Variants in STK32A observed in about 807,000 individuals in gnomAD.
STK32A encodes serine/threonine-protein kinase 32A.
A neutral mutation model predicts 53.2 loss-of-function variants in STK32A; 41 were observed. The ratio of observed to expected loss-of-function variants is 0.77; its 90% CI spans 0.60 to 1.00. The LOEUF (loss-of-function observed/expected upper bound fraction) is 1.00. Ranked by LOEUF, STK32A falls within the 50% of genes least tolerant of loss-of-function variation. The pLI, the probability that STK32A is intolerant of heterozygous loss-of-function variation, is 0.00. For synonymous variants in STK32A, 166 were observed against 162.8 expected, an observed-to-expected ratio of 1.02 and a Z score of -0.15; for missense variants, 458 against 485.8, an observed-to-expected ratio of 0.94 and a Z score of 0.54.
chr5:147,388,190 C>CT (rs1278014081), downstream of STK32A, among the ~76,000 whole-genome samples: 11 of 152,208 alleles, frequency 7.2e-5, 1 homozygote, highest in African/African-American at 2.2e-4. Context: ...CTTTAGCACT[C>CT]TGCCTTCCTA....
At chr5:147,376,605 TC>T (rs1251766823) in intron 11 of STK32A, among the ~76,000 whole-genome samples, 2 of 152,120 alleles carry the variant, frequency 1.3e-5, no homozygotes, top group Non-Finnish European at 2.9e-5. Context: ...TCCTGCCACA[TC>T]CTTGTACTAT....
intron 2 of STK32A, among the ~76,000 whole-genome samples, chr5:147,276,333 C>T (rs1263208003): frequency 2.0e-5 from 3 of 152,128 alleles, no homozygotes; most frequent in Admixed American, 6.5e-5. Context: ...ACAACAGTTT[C>T]AGAGGCAGTA....
At chr5:147,297,845 T>G (rs1417877038) in intron 4 of STK32A, among the ~76,000 whole-genome samples, 1 of 152,064 alleles carries the variant, frequency 6.6e-6, no homozygotes, top group Non-Finnish European at 1.5e-5. Flanking sequence ...CTGAATGTGG[T>G]GGCACGTGCC....
At chr5:147,260,240 GTCTC>G (rs1171109459) in intron 2 of STK32A, among the ~76,000 whole-genome samples, 1 of 64,374 alleles carries the variant, frequency 1.6e-5, no homozygotes, top group Non-Finnish European at 2.9e-5. Flanking sequence ...CTCTGTCTCT[GTCTC>G]TCTCTCTCTC....
intron 2 of STK32A, among the ~76,000 whole-genome samples, chr5:147,247,579 C>T (rs1244516139): frequency 1.3e-5 from 2 of 152,132 alleles, no homozygotes; most frequent in Non-Finnish European, 2.9e-5. Context: ...TTACTTAAAG[C>T]AGAGTTGGCA....
At chr5:147,395,525 T>G in the STK32A span, 1 of 1,583,956 alleles carries the variant, frequency 6.3e-7, no homozygotes, top group Non-Finnish European at 8.6e-7. Flanking sequence ...CCCTTCCCCC[T>G]TCTCTTATCT....
intron 11 of STK32A, chr5:147,375,856 A>G (rs938424370): frequency 2.0e-5 from 3 of 152,208 alleles, no homozygotes; most frequent in African/African-American, 7.2e-5. Flanking sequence ...GTAGGATTTT[A>G]TACTCACATG....
chr5:147,241,511 C>A (rs1030360835), intron 2 of STK32A, among the ~76,000 whole-genome samples: 2 of 150,372 alleles, frequency 1.3e-5, no homozygotes, highest in African/African-American at 4.9e-5. Flanking sequence ...AACAAAAAAA[C>A]CCAAAATATA....
chr5:147,238,791 A>G (rs940731020), intron 1 of STK32A, among the ~76,000 whole-genome samples: 2 of 141,720 alleles, frequency 1.4e-5, no homozygotes, highest in Non-Finnish European at 3.2e-5. Context: ...CAATATATAA[A>G]GAGTTATATA....
chr5:147,329,598 T>C (rs1282288400), intron 5 of STK32A, among the ~76,000 whole-genome samples: 1 of 152,262 alleles, frequency 6.6e-6, no homozygotes, highest in South Asian at 2.1e-4. Flanking sequence ...AAAGCTGTTA[T>C]GTGCATATCC....
intron 4 of STK32A, among the ~76,000 whole-genome samples, chr5:147,293,364 T>G (rs958355018): frequency 6.6e-6 from 1 of 151,600 alleles, no homozygotes; most frequent in African/African-American, 2.4e-5. Flanking sequence ...CAAAGAAAGT[T>G]AAACATCATT....
intron 7 of STK32A, among the ~76,000 whole-genome samples, chr5:147,354,463 G>C (rs866495797): frequency 1.8e-4 from 27 of 152,198 alleles, no homozygotes; most frequent in South Asian, 4.1e-4. Context: ...TTCAAAGTTG[G>C]CATTTCTAGT....
chr5:147,249,221 T>A (rs1358168759), intron 2 of STK32A, among the ~76,000 whole-genome samples: 1 of 152,174 alleles, frequency 6.6e-6, no homozygotes, highest in Non-Finnish European at 1.5e-5. Flanking sequence ...ATTTTTTTTT[T>A]ATAGTGAGAA....
chr5:147,382,068 T>C (rs1037787530), intron 11 of STK32A, among the ~76,000 whole-genome samples: 2 of 152,214 alleles, frequency 1.3e-5, no homozygotes, highest in African/African-American at 4.8e-5. Context: ...ATGTGGCCCA[T>C]GGGCTGTGGG....
At chr5:147,319,210 T>C (rs978218778) in intron 4 of STK32A, among the ~76,000 whole-genome samples, 3 of 151,744 alleles carry the variant, frequency 2.0e-5, no homozygotes, top group Non-Finnish European at 2.9e-5. Flanking sequence ...TGGCGTGATC[T>C]TGGCTCACTG....
Position 147,252,334 on chromosome 5 carries a change from C to G in STK32A, c.52+12648C>G, listed in dbSNP as rs367592538. ...CATTTTCTGTCCAGAGTATAACATA[C>G]CAGGGAAAAGGCTCTAAAATAAGGC... On this transcript the variant is annotated intron_variant, in intron 2 of 12. Transcript: ENST00000397936. Among the ~76,000 whole-genome samples, 49 of 152,060 alleles carry G rather than the reference C, an allele frequency of 3.2e-4. 1 individual carries two copies. Among genetic ancestry groups the G allele is most frequent in the East Asian group, 1.4e-3 (7 of 5,168 alleles).
At chr5:147,379,700 A>G (rs946133712) in intron 11 of STK32A, among the ~76,000 whole-genome samples, 1 of 152,152 alleles carries the variant, frequency 6.6e-6, no homozygotes, top group Admixed American at 6.5e-5. Flanking sequence ...CTGTCTGACA[A>G]TTGAGGCAAA....
intron 2 of STK32A, among the ~76,000 whole-genome samples, chr5:147,266,407 AAT>A (rs1754812468): frequency 6.6e-6 from 1 of 152,212 alleles, no homozygotes; most frequent in Non-Finnish European, 1.5e-5. Flanking sequence ...GTCCTTTGAT[AAT>A]AGCATGTTGG....
At chr5:147,346,638 T>C (rs893949732) in intron 6 of STK32A, among the ~76,000 whole-genome samples, 1 of 152,226 alleles carries the variant, frequency 6.6e-6, no homozygotes, top group Non-Finnish European at 1.5e-5. Context: ...CAGAGCAAGA[T>C]GACATTAGGT....
Sources: gnomAD v4.1 joint callset for allele counts (sites outside exome capture counted in the v4.1 genomes callset) on GRCh38, gnomAD v4.1.1 for gene constraint, MANE v1.5 for transcripts, NCBI Gene and HGNC (gene_info 2026-07-23, HGNC 2026-07-21) for gene names.